Variants in SLX4IP observed in about 807,000 individuals in gnomAD.
The protein encoded by SLX4IP is SLX4 interacting protein, also known as protein SLX4IP.
In SLX4IP, 34 loss-of-function variants were observed where a neutral mutation model predicts 32.9. The observed-to-expected ratio is 1.03, with a 90% CI of 0.79 to 1.38. SLX4IP has a LOEUF of 1.38. Ranked by LOEUF, SLX4IP falls within the 40% of genes most tolerant of loss-of-function variation. The pLI, the probability that SLX4IP is intolerant of heterozygous loss-of-function variation, is 0.00. For missense variants in SLX4IP, 444 were observed against 479.0 expected (o/e 0.93, Z 0.68); for synonymous variants, 172 against 171.7 (o/e 1.00, Z -0.01).
chr20:10,564,921 A>G (rs1253152330), intron 4 of SLX4IP, among the ~76,000 whole-genome samples: 4 of 152,226 alleles, frequency 2.6e-5, no homozygotes, highest in South Asian at 2.1e-4. Flanking sequence ...CTGACAGTCC[A>G]AAAATCAAAA....
At position 10,507,904 on chromosome 20, in the gene SLX4IP, T is replaced by TTATA. The variant is rs3063286; in HGVS notation, c.28-48314_28-48311dup. Among the ~76,000 whole-genome samples, 1,361 of 147,074 alleles carry TTATA rather than the reference T, an allele frequency of 9.3e-3. 10 individuals carry two copies. The highest frequency in any genetic ancestry group is 0.017 in the African/African-American group (669 of 40,352). On this transcript the variant is annotated intron_variant, in intron 2 of 7. Transcript: ENST00000334534. ...AAGGAGCAGAGGGATACAGTCTCCT[T>TTATA]TATATATATATATATACATATATGT...
chr20:10,576,714 A>G (rs779870501), intron 4 of SLX4IP, among the ~76,000 whole-genome samples: 1 of 152,174 alleles, frequency 6.6e-6, no homozygotes, highest in South Asian at 2.1e-4. Context: ...GTAAATGTGT[A>G]TATTTGTGTG....
chr20:10,489,011 C>G (rs747355880), intron 2 of SLX4IP, among the ~76,000 whole-genome samples: 1 of 152,096 alleles, frequency 6.6e-6, no homozygotes, highest in Non-Finnish European at 1.5e-5. Context: ...TTTTCCTTCC[C>G]TAGATTTGTA....
chr20:10,621,664 G>A (rs2067113763), intron 7 of SLX4IP, among the ~76,000 whole-genome samples: 1 of 151,910 alleles, frequency 6.6e-6, no homozygotes, highest in African/African-American at 2.4e-5. Flanking sequence ...TGTTGGTGGT[G>A]TGTTTCATAC....
chr20:10,445,647 T>A (rs2065196204), intron 1 of SLX4IP, among the ~76,000 whole-genome samples: 1 of 142,736 alleles, frequency 7.0e-6, no homozygotes, highest in Non-Finnish European at 1.5e-5. Context: ...TTTTTTGAGA[T>A]GGAGTCTCAC....
At chr20:10,529,359 C>T (rs943397018) in intron 2 of SLX4IP, among the ~76,000 whole-genome samples, 3 of 151,888 alleles carry the variant, frequency 2.0e-5, no homozygotes, top group East Asian at 1.9e-4. Context: ...GAGGCCGAGG[C>T]GGGTGGATCA....
At chr20:10,506,748 G>T (rs530693782) in intron 2 of SLX4IP, among the ~76,000 whole-genome samples, 1 of 152,296 alleles carries the variant, frequency 6.6e-6, no homozygotes, top group South Asian at 2.1e-4. Flanking sequence ...AAATTGTAGA[G>T]CATGTTCATA....
chr20:10,525,952 A>T (rs2122456090), intron 2 of SLX4IP, among the ~76,000 whole-genome samples: 1 of 152,282 alleles, frequency 6.6e-6, no homozygotes, highest in South Asian at 2.1e-4. Context: ...GGGTCTCCTG[A>T]TAAATGCCTT....
intron 2 of SLX4IP, among the ~76,000 whole-genome samples, chr20:10,554,264 G>T (rs2066246467): frequency 6.6e-6 from 1 of 152,210 alleles, no homozygotes; most frequent in Admixed American, 6.5e-5. Context: ...TTTTTGAGAT[G>T]AATACATGTT....
Position 10,438,481 on chromosome 20 carries a change from T to G in SLX4IP, c.-30+3028T>G, listed in dbSNP as rs60398237. ...TTTCCTAGGTGTGTGTGTTTTTTTT[T>G]TTTTTTTTTTTTTTGAGATGAAGTC... On this transcript the variant is annotated intron_variant, in intron 1 of 7. Transcript: ENST00000334534. Among the ~76,000 whole-genome samples the G allele has an allele frequency of 4.3e-3, 625 of 145,780 alleles. 7 individuals carry two copies. The highest frequency in any genetic ancestry group is 0.015 in the African/African-American group (588 of 39,278).
intron 2 of SLX4IP, among the ~76,000 whole-genome samples, chr20:10,512,507 G>C (rs550694671): frequency 6.0e-5 from 9 of 148,918 alleles, no homozygotes; most frequent in African/African-American, 2.2e-4. Context: ...ATGATCTCCT[G>C]CCTCAGCCTT....
At chr20:10,437,227 G>A (rs1204960023) in intron 1 of SLX4IP, among the ~76,000 whole-genome samples, 1 of 152,158 alleles carries the variant, frequency 6.6e-6, no homozygotes, top group Non-Finnish European at 1.5e-5. Flanking sequence ...TTGGGCTCAA[G>A]CGATCCTTCT....
intron 6 of SLX4IP, among the ~76,000 whole-genome samples, chr20:10,605,127 T>G (rs190964104): frequency 4.6e-5 from 7 of 152,370 alleles, no homozygotes; most frequent in East Asian, 1.9e-4. Flanking sequence ...TTATTTATTA[T>G]TTCTTTGTTA....
intron 4 of SLX4IP, among the ~76,000 whole-genome samples, chr20:10,595,323 G>A (rs1163979616): frequency 1.3e-5 from 2 of 152,120 alleles, no homozygotes; most frequent in Non-Finnish European, 2.9e-5. Context: ...AAGGAAACAG[G>A]CATACTGAAA....
intron 4 of SLX4IP, among the ~76,000 whole-genome samples, chr20:10,591,315 G>A (rs2066707095): frequency 6.6e-6 from 1 of 152,200 alleles, no homozygotes; most frequent in African/African-American, 2.4e-5. Context: ...GACTTCCAAG[G>A]TTGTTTCTTG....
At position 10,501,504 on chromosome 20, in the gene SLX4IP, G is replaced by A. The variant is rs573714206; in HGVS notation, c.27+43273G>A. ...CTGGGGCCCAGCAATAAAGTGCTCAGCCCCCACAGCAATCTCCTTCCTTCA... is the reference window on the plus strand; with the variant it reads ...CTGGGGCCCAGCAATAAAGTGCTCAACCCCCACAGCAATCTCCTTCCTTCA... On this transcript the variant is annotated intron_variant, in intron 2 of 7. Transcript: ENST00000334534. 6.6e-5 allele frequency among the ~76,000 whole-genome samples: 10 copies of A among 152,334 alleles called. No individual in the cohort carries two copies. In the East Asian group the frequency reaches 1.9e-3, roughly 29 times the overall value.
intron 2 of SLX4IP, among the ~76,000 whole-genome samples, chr20:10,551,684 G>C (rs11087012): frequency 0.11 from 17,125 of 152,198 alleles, 1,295 homozygotes; most frequent in Non-Finnish European, 0.17. Context: ...AGCAGGGAAA[G>C]AGAAACTGTT....
At position 10,586,724 on chromosome 20, in the gene SLX4IP, A is replaced by G. The variant is rs535136665; in HGVS notation, c.239-11951A>G. ...CAGGAATAGAAGTATTAGTAATGAA[A>G]AAAGACATAATTAAATTAGGTGGAA... On this transcript the variant is annotated intron_variant, in intron 4 of 7. Transcript: ENST00000334534. 4.6e-5 allele frequency among the ~76,000 whole-genome samples: 7 copies of G among 152,322 alleles called. No homozygotes were observed. The East Asian group carries it at 1.3e-3, about 29-fold the overall frequency.
intron 6 of SLX4IP, among the ~76,000 whole-genome samples, chr20:10,609,924 C>T (rs1036157701): frequency 1.4e-5 from 2 of 142,640 alleles, no homozygotes; most frequent in Middle Eastern, 3.6e-3. Flanking sequence ...TTCATGAATT[C>T]CTTAAAATTA....
Sources: allele counts gnomAD v4.1 joint callset (sites outside exome capture counted in the v4.1 genomes callset), GRCh38; gene constraint gnomAD v4.1.1; transcripts MANE v1.5; gene names NCBI Gene and HGNC (gene_info 2026-07-23, HGNC 2026-07-21).